CNTN5: variants seen among roughly 807,000 people sequenced by gnomAD.
CNTN5 encodes the protein contactin-5.
In CNTN5, 77 loss-of-function variants were observed where a neutral mutation model predicts 129.1. The ratio of observed to expected loss-of-function variants is 0.60; its 90% confidence interval spans 0.50 to 0.72. The LOEUF (loss-of-function observed/expected upper bound fraction) is 0.72. Ranked by LOEUF, CNTN5 falls within the 30% of genes least tolerant of loss-of-function variation. The probability of loss-of-function intolerance (pLI) is 0.00; values close to 1 mark genes in which losing one functional copy is unlikely to be tolerated. For missense variants in CNTN5, 1,478 were observed against 1,328.8 expected, an observed-to-expected ratio of 1.11 and a Z score of -1.75; for synonymous variants, 509 against 465.6, an observed-to-expected ratio of 1.09 and a Z score of -1.20.
chr11:99,135,671 T>A (rs557875902), intron 1 of CNTN5, among the ~76,000 whole-genome samples: 1 of 152,312 alleles, frequency 6.6e-6, no homozygotes, highest in Admixed American at 6.5e-5. Flanking sequence ...TTCATGTATT[T>A]CTCATACTTC....
At chr11:99,622,388 G>T (rs985534580) in intron 3 of CNTN5, among the ~76,000 whole-genome samples, 3 of 152,130 alleles carry the variant, frequency 2.0e-5, no homozygotes, top group Non-Finnish European at 2.9e-5. Context: ...ATTTGTAATG[G>T]AAACAACTGT....
intron 13 of CNTN5, among the ~76,000 whole-genome samples, chr11:100,177,814 T>C (rs981073981): frequency 1.3e-5 from 2 of 152,102 alleles, no homozygotes; most frequent in Non-Finnish European, 2.9e-5. Flanking sequence ...AGTCCTGTGG[T>C]GTGAAGGAGA....
At chr11:100,217,468 G>C (rs757315873) in intron 15 of CNTN5, among the ~76,000 whole-genome samples, 1 of 152,182 alleles carries the variant, frequency 6.6e-6, no homozygotes, top group Non-Finnish European at 1.5e-5. Context: ...TCCATAAAAT[G>C]TATAGCTACT....
chr11:99,148,765 A>G (rs1859908173), intron 1 of CNTN5, among the ~76,000 whole-genome samples: 3 of 152,146 alleles, frequency 2.0e-5, no homozygotes, highest in Non-Finnish European at 4.4e-5. Flanking sequence ...TTTATTTGCT[A>G]TGTAGCCATC....
chr11:99,656,595 G>T (rs1485704257), intron 3 of CNTN5, among the ~76,000 whole-genome samples: 1 of 152,062 alleles, frequency 6.6e-6, no homozygotes, highest in African/African-American at 2.4e-5. Context: ...CTTAAGAGTG[G>T]GCTGATAAAA....
intron 2 of CNTN5, among the ~76,000 whole-genome samples, chr11:99,358,399 C>G (rs1481726153): frequency 1.3e-5 from 2 of 149,196 alleles, no homozygotes. Flanking sequence ...AACCCTGTCT[C>G]TACTACAAAA....
intron 1 of CNTN5, among the ~76,000 whole-genome samples, chr11:99,290,008 TA>T (rs1565465817): frequency 6.6e-6 from 1 of 151,816 alleles, no homozygotes; most frequent in African/African-American, 2.4e-5. Flanking sequence ...TTCCTTTTTT[TA>T]AATTGTATAA....
intron 8 of CNTN5, among the ~76,000 whole-genome samples, chr11:99,982,210 G>A (rs990827730): frequency 2.6e-5 from 4 of 152,156 alleles, no homozygotes; most frequent in Admixed American, 6.5e-5. Flanking sequence ...CGGGGCTATG[G>A]TAGTCAAGTG....
At chr11:100,138,806 G>C (rs1198943385) in intron 13 of CNTN5, among the ~76,000 whole-genome samples, 1 of 152,154 alleles carries the variant, frequency 6.6e-6, no homozygotes, top group Non-Finnish European at 1.5e-5. Context: ...AACTGAAGGA[G>C]CATAATGGCA....
chr11:99,881,657 G>T lies in CNTN5; in HGVS notation c.578-34397G>T, dbSNP rs114888206. Among the ~76,000 whole-genome samples, 10 of 152,268 alleles carry T rather than the reference G, an allele frequency of 6.6e-5. No homozygotes were observed. In the South Asian group the frequency reaches 1.0e-3, roughly 16 times the overall value. Reference sequence around the variant, plus strand: ...TGTTATTTTTAAAATAAAATAAAGGGGGGGAGCTGGCTTAGTAAGTGCTGC... The same window carrying T: ...TGTTATTTTTAAAATAAAATAAAGGTGGGGAGCTGGCTTAGTAAGTGCTGC... On this transcript the variant is annotated intron_variant, in intron 6 of 24. Coordinates refer to ENST00000524871, the MANE Select transcript of CNTN5 (RefSeq NM_014361.4).
At chr11:99,723,632 G>A (rs1005458127) in intron 3 of CNTN5, among the ~76,000 whole-genome samples, 4 of 151,974 alleles carry the variant, frequency 2.6e-5, no homozygotes, top group African/African-American at 9.7e-5. Flanking sequence ...GGTTTATTGT[G>A]CATTCTTCCC....
At chr11:99,360,788 G>C (rs1044701775) in intron 2 of CNTN5, among the ~76,000 whole-genome samples, 12 of 152,176 alleles carry the variant, frequency 7.9e-5, no homozygotes, top group African/African-American at 2.9e-4. Context: ...CACCCTTGGT[G>C]TTCTCTCCTG....
intron 1 of CNTN5, among the ~76,000 whole-genome samples, chr11:99,215,249 T>C (rs1035988898): frequency 6.6e-6 from 1 of 152,166 alleles, no homozygotes; most frequent in Non-Finnish European, 1.5e-5. Flanking sequence ...AATTTTAGTT[T>C]GTTCCAGTTA....
At chr11:99,615,076 A>C in intron 3 of CNTN5, among the ~76,000 whole-genome samples, 1 of 143,840 alleles carries the variant, frequency 7.0e-6, no homozygotes, top group Admixed American at 6.9e-5. Flanking sequence ...TAAATATATA[A>C]AAATATATAT....
At position 99,691,187 on chromosome 11, in the gene CNTN5, CA is replaced by C. The variant is rs139080017; in HGVS notation, c.56-128347del. On this transcript the variant is annotated intron_variant, in intron 3 of 24. Coordinates refer to ENST00000524871, the MANE Select transcript of CNTN5 (RefSeq NM_014361.4). ...AGCTTGCAGTCTATCTTAATTTTTT[CA>C]AAAAAAAAACCAGCACCTGGATTTG... Among the ~76,000 whole-genome samples the C allele has an allele frequency of 2.8e-3, 411 of 145,418 alleles. 2 individuals are homozygous for C. Among genetic ancestry groups the C allele is most frequent in the African/African-American group, 8.6e-3 (344 of 39,876 alleles).
intron 9 of CNTN5, among the ~76,000 whole-genome samples, chr11:100,025,571 C>T (rs144223860): frequency 3.8e-4 from 58 of 152,310 alleles, no homozygotes; most frequent in African/African-American, 1.3e-3. Context: ...TGCAGACACT[C>T]AATGCCAGCC....
chr11:100,110,904 T>A (rs1242793396), intron 13 of CNTN5, among the ~76,000 whole-genome samples: 1 of 152,102 alleles, frequency 6.6e-6, no homozygotes, highest in African/African-American at 2.4e-5. Context: ...CTTTTGGCAT[T>A]TATGCATATA....
At position 99,824,656 on chromosome 11, in the gene CNTN5, C is replaced by G. The variant is rs79172701; in HGVS notation, c.277+4891C>G. ...GTGCTTTTCATGTCCTAAAAAAAAC[C>G]CTTTTTACCTTAAATTTTTATTTCC... is the stretch of plus-strand genomic sequence containing the variant. On this transcript the variant is annotated intron_variant, in intron 4 of 24. Transcript: ENST00000524871. 9.0e-3 allele frequency among the ~76,000 whole-genome samples: 1,370 copies of G among 151,680 alleles called. 65 individuals are homozygous for G. In the East Asian group the frequency reaches 0.13, roughly 14 times the overall value.
At chr11:99,857,269 A>G (rs1355783151) in intron 6 of CNTN5, among the ~76,000 whole-genome samples, 2 of 152,082 alleles carry the variant, frequency 1.3e-5, no homozygotes, top group Non-Finnish European at 2.9e-5. Context: ...TCTTTATTTT[A>G]GTTTAATAAC....
Sources: allele counts gnomAD v4.1 joint callset (sites outside exome capture counted in the v4.1 genomes callset), GRCh38; gene constraint gnomAD v4.1.1; transcripts MANE v1.5; gene names NCBI Gene and HGNC (gene_info 2026-07-23, HGNC 2026-07-21).